Variants in OTC observed in about 807,000 individuals in gnomAD.
The protein encoded by OTC is ornithine transcarbamylase, also known as ornithine transcarbamylase, mitochondrial.
Under a neutral mutation model 30.3 loss-of-function variants are expected in OTC, and 3 were observed. The ratio of observed to expected loss-of-function variants is 0.10; its 90% confidence interval spans 0.05 to 0.26. OTC has a LOEUF of 0.26. Ranked by LOEUF, OTC falls within the 10% of genes least tolerant of loss-of-function variation. OTC has a pLI of 1.00. For missense variants in OTC, 194 were observed against 260.3 expected (o/e 0.75, Z 1.75); for synonymous variants, 111 against 99.7 (o/e 1.11, Z -0.67).
the OTC span, among the ~76,000 whole-genome samples, chrX:38,339,731 C>G: frequency 9.0e-6 from 1 of 110,745 alleles, no homozygotes; most frequent in Non-Finnish European, 1.9e-5. Flanking sequence ...TAATGGACCC[C>G]TCAGTAACCA....
intron 1 of OTC, among the ~76,000 whole-genome samples, chrX:38,365,680 G>A (rs1193556883): frequency 8.9e-6 from 1 of 112,190 alleles, no homozygotes; most frequent in African/African-American, 3.2e-5. Flanking sequence ...CTCCACTAGG[G>A]CCCACAGTAA....
chrX:38,415,293 G>T (rs1052818805), intron 9 of OTC, among the ~76,000 whole-genome samples: 5 of 107,799 alleles, frequency 4.6e-5, no homozygotes, highest in African/African-American at 1.7e-4. Context: ...TGGCCAGGCT[G>T]GTCTCGAACT....
chrX:38,335,419 A>C, the OTC span, among the ~76,000 whole-genome samples: 2 of 112,632 alleles, frequency 1.8e-5, no homozygotes, highest in Admixed American at 1.9e-4. Flanking sequence ...CTGTGTTTTT[A>C]AAATTTCATT....
intron 1 of OTC, among the ~76,000 whole-genome samples, chrX:38,357,362 G>GA (rs1381944805): frequency 8.9e-6 from 1 of 111,742 alleles, no homozygotes; most frequent in African/African-American, 3.3e-5. Context: ...TCTCAGTAAA[G>GA]AAAAAAAACA....
chrX:38,332,528 A>ATATATATATATT, the OTC span, among the ~76,000 whole-genome samples: 6 of 90,560 alleles, frequency 6.6e-5, no homozygotes, highest in African/African-American at 2.4e-4. Context: ...ATATATATAT[A>ATATATATATATT]TATATCATAT....
At chrX:38,335,326 G>T in the OTC span, among the ~76,000 whole-genome samples, 767 of 112,550 alleles carry the variant, frequency 6.8e-3, 7 homozygotes, top group African/African-American at 0.023. Context: ...TACAAAACCT[G>T]CAGTGTCTGG....
At chrX:38,344,205 T>C in the OTC span, among the ~76,000 whole-genome samples, 1 of 104,012 alleles carries the variant, frequency 9.6e-6, no homozygotes, top group African/African-American at 3.6e-5. Context: ...TCAGATTCTC[T>C]GTAAATCAGG....
At chrX:38,371,891 T>C (rs763726964) in intron 3 of OTC, among the ~76,000 whole-genome samples, 106 of 112,513 alleles carry the variant, frequency 9.4e-4, no homozygotes, top group Non-Finnish European at 1.6e-3. Flanking sequence ...TTCTGCTCCC[T>C]TTCAACACTA....
intron 4 of OTC, among the ~76,000 whole-genome samples, chrX:38,388,665 T>TCAGCG (rs2068416458): frequency 8.9e-6 from 1 of 111,810 alleles, no homozygotes; most frequent in East Asian, 2.8e-4. Flanking sequence ...GCATAATAGC[T>TCAGCG]TCCCAGTCAT....
intron 4 of OTC, among the ~76,000 whole-genome samples, chrX:38,387,653 A>G (rs1276948433): frequency 1.8e-5 from 2 of 111,511 alleles, no homozygotes; most frequent in African/African-American, 3.3e-5. Flanking sequence ...GGATCAGCAT[A>G]CAGTGATACT....
At chrX:38,335,446 T>C in the OTC span, among the ~76,000 whole-genome samples, 2 of 112,716 alleles carry the variant, frequency 1.8e-5, no homozygotes, top group African/African-American at 6.4e-5. Flanking sequence ...TACCCACTCC[T>C]GTAATTAAGC....
At chrX:38,382,473 C>T (rs1602021119) in intron 4 of OTC, among the ~76,000 whole-genome samples, 4 of 112,336 alleles carry the variant, frequency 3.6e-5, no homozygotes, top group African/African-American at 6.5e-5. Flanking sequence ...AAAGAATTCA[C>T]CTCATTTGAC....
chrX:38,373,893 G>A (rs2068333541), intron 3 of OTC, among the ~76,000 whole-genome samples: 1 of 112,354 alleles, frequency 8.9e-6, no homozygotes, highest in Middle Eastern at 4.6e-3. Context: ...GGCCGGGCAC[G>A]GTGGCTCATG....
At chrX:38,394,625 G>A (rs756731055) in intron 4 of OTC, among the ~76,000 whole-genome samples, 5 of 111,090 alleles carry the variant, frequency 4.5e-5, no homozygotes, top group African/African-American at 1.3e-4. Flanking sequence ...CTACCCCAGC[G>A]CTTTCTGATC....
At chrX:38,364,854 T>C (rs2068287895) in intron 1 of OTC, among the ~76,000 whole-genome samples, 1 of 111,324 alleles carries the variant, frequency 9.0e-6, no homozygotes, top group Admixed American at 9.6e-5. Context: ...TTAATCCTTA[T>C]GGAAATTCTC....
downstream of OTC, among the ~76,000 whole-genome samples, chrX:38,422,818 C>T (rs941366231): frequency 5.4e-5 from 6 of 111,808 alleles, no homozygotes; most frequent in African/African-American, 9.7e-5. Flanking sequence ...TTTTCATCTC[C>T]TCTTTCTTCT....
At chrX:38,403,418 T>C (rs956978463) in intron 5 of OTC, among the ~76,000 whole-genome samples, 200 bp from the exon 6 acceptor site, 15 of 97,471 alleles carry the variant, frequency 1.5e-4, no homozygotes, top group African/African-American at 6.2e-4. Context: ...TGGTTTAAGA[T>C]ATTAAGACAT....
intron 1 of OTC, among the ~76,000 whole-genome samples, chrX:38,364,136 T>A (rs1452582797): frequency 9.0e-6 from 1 of 111,427 alleles, no homozygotes; most frequent in South Asian, 3.7e-4. Flanking sequence ...AAAAAATAAA[T>A]AAATAAATAA....
chrX:38,384,248 A>G (rs2068391007), intron 4 of OTC, among the ~76,000 whole-genome samples: 1 of 111,768 alleles, frequency 8.9e-6, no homozygotes, highest in African/African-American at 3.3e-5. Context: ...AAGGAGGGGG[A>G]GGAGGAAATC....
Sources: gnomAD v4.1 joint callset for allele counts (sites outside exome capture counted in the v4.1 genomes callset) on GRCh38, gnomAD v4.1.1 for gene constraint, MANE v1.5 for transcripts, NCBI Gene and HGNC (gene_info 2026-07-23, HGNC 2026-07-21) for gene names.